The following HNRNPC variants were observed in gnomAD, a reference collection of about 807,000 sequenced individuals.
HNRNPC encodes the protein heterogeneous nuclear ribonucleoprotein C.
HNRNPC carries 3 observed loss-of-function variants against 33.2 expected under a neutral mutation model. That is an observed-to-expected ratio of 0.09 (90% CI 0.04 to 0.23). The LOEUF (loss-of-function observed/expected upper bound fraction) is 0.23. HNRNPC is among the 10% of genes least tolerant of loss of function. HNRNPC has a pLI of 1.00. For synonymous variants in HNRNPC, 121 were observed against 126.7 expected (o/e 0.96, Z 0.30); for missense variants, 143 against 366.7 (o/e 0.39, Z 4.98).
At chr14:21,248,129 G>A (rs537486071) in intron 2 of HNRNPC, among the ~76,000 whole-genome samples, 1 of 152,218 alleles carries the variant, frequency 6.6e-6, no homozygotes, top group East Asian at 1.9e-4. Context: ...CTTGAGCCCA[G>A]GAGTTAAGAG....
At chr14:21,222,973 G>T (rs535601378) in intron 5 of HNRNPC, among the ~76,000 whole-genome samples, 1 of 152,156 alleles carries the variant, frequency 6.6e-6, no homozygotes, top group African/African-American at 2.4e-5. Context: ...GGCTGAGGCG[G>T]CCAGATCTCG....
intron 2 of HNRNPC, among the ~76,000 whole-genome samples, chr14:21,249,273 C>G (rs149496941): frequency 7.2e-5 from 11 of 152,150 alleles, no homozygotes; most frequent in African/African-American, 2.7e-4. Flanking sequence ...CAGAACTAAA[C>G]AGAATCAAGG....
chr14:21,226,683 C>T (rs745939170), intron 5 of HNRNPC, among the ~76,000 whole-genome samples: 1 of 151,972 alleles, frequency 6.6e-6, no homozygotes, highest in Non-Finnish European at 1.5e-5. Flanking sequence ...AGGTCAAAAC[C>T]GGCCTGGCCA....
intron 5 of HNRNPC, among the ~76,000 whole-genome samples, chr14:21,222,996 C>T (rs1262268741): frequency 6.6e-6 from 1 of 151,972 alleles, no homozygotes; most frequent in Admixed American, 6.6e-5. Flanking sequence ...GTCAGGTGTT[C>T]GAGACTAGCC....
chr14:21,245,590 T>C (rs1895893453), intron 2 of HNRNPC, among the ~76,000 whole-genome samples: 2 of 152,194 alleles, frequency 1.3e-5, no homozygotes, highest in African/African-American at 2.4e-5. Flanking sequence ...TTGGTGACTG[T>C]ACTGAGTGAG....
chr14:21,218,199 A>G (rs1329823878), intron 5 of HNRNPC, among the ~76,000 whole-genome samples: 1 of 152,142 alleles, frequency 6.6e-6, no homozygotes, highest in Non-Finnish European at 1.5e-5. Context: ...CTGGACCTCA[A>G]GTGATCCACC....
At chr14:21,266,037 T>C (rs529293542) in intron 1 of HNRNPC, among the ~76,000 whole-genome samples, 3 of 152,208 alleles carry the variant, frequency 2.0e-5, no homozygotes, top group Non-Finnish European at 4.4e-5. Context: ...GATTCTGGTG[T>C]TGGCTAACGT....
chr14:21,223,327 A>G (rs1413573448), intron 5 of HNRNPC, among the ~76,000 whole-genome samples: 1 of 152,194 alleles, frequency 6.6e-6, no homozygotes. Context: ...CGCTCAACTC[A>G]GTCATACAGC....
At chr14:21,243,958 T>C (rs935102830) in intron 2 of HNRNPC, among the ~76,000 whole-genome samples, 2 of 147,224 alleles carry the variant, frequency 1.4e-5, no homozygotes, top group Non-Finnish European at 3.0e-5. Flanking sequence ...AAAATGTTGA[T>C]GGTGGTTACC....
rs1005478089 is a variant in HNRNPC, at chr14:21,210,888, A to T, written c.*335T>A. On this transcript the variant is annotated 3_prime_UTR_variant, in exon 9 of 9. Transcript: ENST00000553300. ...AACTACTGAACTTATGTATGAATGA[A>T]AAGAACTGTACTCCCTGCATAACAA... is the stretch of plus-strand genomic sequence containing the variant. The T allele has an allele frequency of 8.2e-5, 23 of 281,868 alleles. No homozygotes were observed. Among genetic ancestry groups the T allele is most frequent in the African/African-American group, 4.3e-4 (20 of 46,226 alleles). 17.5% of individuals were successfully genotyped at this position (281,868 alleles called of 1,614,324 possible). A position where few individuals can be genotyped will look rare whatever the true frequency, so the allele number is the denominator to read the frequency against.
Position 21,269,399 on chromosome 14 carries a change from G to C in HNRNPC, c.-164C>G, listed in dbSNP as rs189186375. The C allele has an allele frequency of 1.3e-5, 2 of 154,718 alleles. No homozygotes were observed. The highest frequency in any genetic ancestry group is 2.4e-5 in the African/African-American group (1 of 41,510). 9.6% of individuals were successfully genotyped at this position (154,718 alleles called of 1,614,324 possible). On this transcript the variant is annotated 5_prime_UTR_variant, in exon 1 of 9. Coordinates refer to ENST00000553300, the MANE Select transcript of HNRNPC (RefSeq NM_004500.4). Reference sequence around the variant, plus strand: ...GGAGGTCGGCAACGCGGCCACAACCGCTCAGTCTTCGTCTCTTCACAAAAT... The same window carrying C: ...GGAGGTCGGCAACGCGGCCACAACCCCTCAGTCTTCGTCTCTTCACAAAAT...
chr14:21,242,235 A>G (rs1191078609), intron 2 of HNRNPC, among the ~76,000 whole-genome samples: 4 of 152,252 alleles, frequency 2.6e-5, no homozygotes, highest in Non-Finnish European at 1.5e-5. Flanking sequence ...CTGTAATCCC[A>G]GCACTTTGGG....
chr14:21,250,234 C>T (rs1470687068), intron 2 of HNRNPC, among the ~76,000 whole-genome samples: 2 of 151,086 alleles, frequency 1.3e-5, no homozygotes, highest in African/African-American at 4.9e-5. Context: ...GCCTGGGCAA[C>T]GGAGCGAGAC....
chr14:21,242,619 A>C (rs1895493107), intron 2 of HNRNPC, among the ~76,000 whole-genome samples: 1 of 152,234 alleles, frequency 6.6e-6, no homozygotes. Flanking sequence ...CAGGATTTGC[A>C]AACAGATACT....
At chr14:21,267,121 A>AC (rs1879147021) in intron 1 of HNRNPC, among the ~76,000 whole-genome samples, 2 of 125,820 alleles carry the variant, frequency 1.6e-5, no homozygotes, top group African/African-American at 5.9e-5. Flanking sequence ...AAAAAAAAAA[A>AC]AAAAAACAAA....
intron 6 of HNRNPC, chr14:21,212,141 G>A (rs1031052471): frequency 5.6e-5 from 27 of 478,514 alleles, no homozygotes; most frequent in African/African-American, 3.1e-4. Context: ...CAGGGCTGTC[G>A]CTATGTTGAC....
At chr14:21,231,219 C>T in intron 3 of HNRNPC, 147 bp from the exon 4 acceptor site, 1 of 759,770 alleles carries the variant, frequency 1.3e-6, no homozygotes, top group Admixed American at 2.1e-5. Flanking sequence ...ACTGAAACCT[C>T]TACCTCCCGG....
intron 5 of HNRNPC, 89 bp from the exon 6 acceptor site, chr14:21,213,206 ATT>A: frequency 3.8e-6 from 5 of 1,315,448 alleles, no homozygotes; most frequent in Non-Finnish European, 5.3e-6. Flanking sequence ...GTAAGTGAAT[ATT>A]GTCTCTAGTC....
intron 5 of HNRNPC, among the ~76,000 whole-genome samples, chr14:21,218,682 A>T (rs1356576737): frequency 5.4e-5 from 1 of 18,562 alleles, no homozygotes; most frequent in Admixed American, 5.5e-4. Context: ...ACTCTCTCTC[A>T]AAAAAAAAAA....
Sources: allele counts gnomAD v4.1 joint callset (sites outside exome capture counted in the v4.1 genomes callset), GRCh38; gene constraint gnomAD v4.1.1; transcripts MANE v1.5; gene names NCBI Gene and HGNC (gene_info 2026-07-23, HGNC 2026-07-21).